Variants in CLIC5 observed in about 807,000 individuals in gnomAD.
CLIC5 encodes the protein CLIC family member 5.
In CLIC5, 20 loss-of-function variants were observed where a neutral mutation model predicts 24.7. The ratio of observed to expected loss-of-function variants is 0.81; its 90% CI spans 0.57 to 1.18. The LOEUF (loss-of-function observed/expected upper bound fraction) is 1.18. CLIC5 is among the 50% of genes most tolerant of loss of function. The pLI is 0.00. For missense variants in CLIC5, 341 were observed against 326.1 expected, an observed-to-expected ratio of 1.05 and a Z score of -0.35; for synonymous variants, 159 against 135.6, an observed-to-expected ratio of 1.17 and a Z score of -1.20.
intron 1 of CLIC5, among the ~76,000 whole-genome samples, chr6:46,029,022 A>G (rs1313296745): frequency 1.3e-5 from 2 of 151,840 alleles, no homozygotes; most frequent in East Asian, 1.9e-4. Flanking sequence ...TACTGTCTCC[A>G]TAGTTTCGCT....
chr6:46,019,072 A>C (rs538999698), upstream of CLIC5, among the ~76,000 whole-genome samples: 2 of 148,546 alleles, frequency 1.3e-5, no homozygotes, highest in East Asian at 4.1e-4. Context: ...GTTATAAAAC[A>C]AAAGTATAGT....
chr6:45,999,283 TA>T (rs893020141), intron 1 of CLIC5, among the ~76,000 whole-genome samples: 2 of 152,212 alleles, frequency 1.3e-5, no homozygotes, highest in Admixed American at 1.3e-4. Flanking sequence ...AACTCCACTG[TA>T]ATGCTCTATT....
intron 1 of CLIC5, among the ~76,000 whole-genome samples, chr6:45,989,808 T>C (rs1037521075): frequency 1.3e-5 from 2 of 152,178 alleles, no homozygotes; most frequent in Non-Finnish European, 2.9e-5. Flanking sequence ...ACCCCACCCC[T>C]GGGCTAGCAA....
chr6:45,935,099 A>G (rs572869194), intron 4 of CLIC5, among the ~76,000 whole-genome samples: 1 of 152,378 alleles, frequency 6.6e-6, no homozygotes, highest in South Asian at 2.1e-4. Context: ...AGAGATTTGC[A>G]GGGATTTTTA....
intron 1 of CLIC5, among the ~76,000 whole-genome samples, chr6:46,024,348 T>C (rs1256713194): frequency 2.6e-5 from 4 of 152,166 alleles, no homozygotes; most frequent in African/African-American, 4.8e-5. Flanking sequence ...GTCACAGTGA[T>C]TGGTTCAAAA....
At chr6:46,053,985 T>C (rs1768176781) in intron 1 of CLIC5, among the ~76,000 whole-genome samples, 1 of 152,186 alleles carries the variant, frequency 6.6e-6, no homozygotes, top group Non-Finnish European at 1.5e-5. Flanking sequence ...CAGTGGATCA[T>C]TCATTTGGTC....
chr6:45,966,844 G>T (rs959979319), intron 1 of CLIC5, among the ~76,000 whole-genome samples: 15 of 152,218 alleles, frequency 9.9e-5, no homozygotes, highest in African/African-American at 3.4e-4. Flanking sequence ...AGAACCTCAA[G>T]TCAATGCAGC....
At chr6:45,910,336 A>G (rs1457245769) in intron 5 of CLIC5, among the ~76,000 whole-genome samples, 1 of 152,204 alleles carries the variant, frequency 6.6e-6, no homozygotes, top group Non-Finnish European at 1.5e-5. Flanking sequence ...GGAAGAATCT[A>G]TTATATTCCC....
chr6:46,064,845 A>G (rs1166537603), intron 1 of CLIC5, among the ~76,000 whole-genome samples: 1 of 152,184 alleles, frequency 6.6e-6, no homozygotes, highest in Non-Finnish European at 1.5e-5. Context: ...CTGGAAGAAA[A>G]CAAAAAATCT....
At position 45,903,102 on chromosome 6, in the gene CLIC5, G is replaced by T. The variant is rs772026065; in HGVS notation, c.742C>A (p.Leu248Ile). Reference protein sequence around the residue: ...ELAYADVAKRLSRS With the variant: ...ELAYADVAKRISRS Reference sequence around the variant, plus strand: ...AATGGCTGTGCTCAGGATCGGCTGAGGCGTTTGGCGACATCAGCGTAGGCC... The same window carrying T: ...AATGGCTGTGCTCAGGATCGGCTGATGCGTTTGGCGACATCAGCGTAGGCC... Residue 248 changes from leucine to isoleucine, a missense_variant, in exon 6 of 6, where the codon CTC (leucine) becomes ATC (isoleucine). By Grantham distance (5) the Leu-to-Ile change is conservative. Coordinates refer to ENST00000339561, the MANE Select transcript of CLIC5 (RefSeq NM_016929.5). The T allele has an allele frequency of 1.2e-6, 2 of 1,614,082 alleles. No individual in the cohort carries two copies. Among genetic ancestry groups the T allele is most frequent in the African/African-American group, 2.7e-5 (2 of 74,924 alleles).
the CLIC5 span, among the ~76,000 whole-genome samples, chr6:46,115,086 G>A: frequency 6.6e-6 from 1 of 152,186 alleles, no homozygotes; most frequent in African/African-American, 2.4e-5. Context: ...ACCATAGTAG[G>A]TGACCCTGGA....
chr6:45,905,517 T>C (rs1173694551), intron 5 of CLIC5, among the ~76,000 whole-genome samples: 2 of 151,744 alleles, frequency 1.3e-5, no homozygotes, highest in African/African-American at 4.8e-5. Context: ...TGGCCACTTA[T>C]TATGTCTTTT....
At chr6:46,101,647 C>T in the CLIC5 span, among the ~76,000 whole-genome samples, 2 of 152,186 alleles carry the variant, frequency 1.3e-5, no homozygotes, top group African/African-American at 4.8e-5. Context: ...CTCTCACTCT[C>T]CTGATTTCTC....
At chr6:46,113,676 C>T in the CLIC5 span, among the ~76,000 whole-genome samples, 11 of 152,070 alleles carry the variant, frequency 7.2e-5, 1 homozygote, top group Admixed American at 2.6e-4. Context: ...TGTCCCTGCC[C>T]CCTTAAAGTT....
At chr6:45,912,553 C>T in intron 5 of CLIC5, 2 of 1,397,982 alleles carry the variant, frequency 1.4e-6, no homozygotes, top group South Asian at 1.4e-5. Flanking sequence ...GGAATACAAT[C>T]CACTTCTGTT....
intron 5 of CLIC5, among the ~76,000 whole-genome samples, chr6:45,904,921 T>G (rs1762615745): frequency 6.6e-6 from 1 of 151,918 alleles, no homozygotes; most frequent in Admixed American, 6.6e-5. Context: ...GTTGCCATCT[T>G]TATGTCCGTG....
chr6:45,938,317 C>G (rs1217239916), intron 4 of CLIC5, among the ~76,000 whole-genome samples: 1 of 152,158 alleles, frequency 6.6e-6, no homozygotes, highest in African/African-American at 2.4e-5. Flanking sequence ...GGAGGGCAAG[C>G]CTTACAGGAG....
At chr6:45,907,113 G>C (rs548003895) in intron 5 of CLIC5, among the ~76,000 whole-genome samples, 2 of 152,116 alleles carry the variant, frequency 1.3e-5, no homozygotes, top group African/African-American at 4.8e-5. Context: ...TTTTCAAGGG[G>C]AATTATCCCA....
intron 1 of CLIC5, among the ~76,000 whole-genome samples, chr6:46,074,470 A>G (rs1762712313): frequency 6.6e-6 from 1 of 152,210 alleles, no homozygotes; most frequent in African/African-American, 2.4e-5. Flanking sequence ...ATGAGTCTAA[A>G]AAGTATTAAC....
Sources: gnomAD v4.1 joint callset for allele counts (sites outside exome capture counted in the v4.1 genomes callset) on GRCh38, gnomAD v4.1.1 for gene constraint, MANE v1.5 for transcripts, NCBI Gene and HGNC (gene_info 2026-07-23, HGNC 2026-07-21) for gene names.